The following SHQ1 variants were observed in gnomAD, a reference collection of about 807,000 sequenced individuals.
SHQ1 encodes SHQ1, H/ACA ribonucleoprotein assembly factor.
Under a neutral mutation model 53.8 loss-of-function variants are expected in SHQ1, and 49 were observed. That is an observed-to-expected ratio of 0.91 (90% CI 0.72 to 1.16). The LOEUF (loss-of-function observed/expected upper bound fraction) is 1.16. SHQ1 is among the 50% of genes most tolerant of loss of function. The pLI, the probability that SHQ1 is intolerant of heterozygous loss-of-function variation, is 0.00. For synonymous variants in SHQ1, 243 were observed against 251.0 expected, an observed-to-expected ratio of 0.97 and a Z score of 0.30; for missense variants, 738 against 683.1, an observed-to-expected ratio of 1.08 and a Z score of -0.90.
At chr3:72,752,601 A>C (rs1705410555) in intron 10 of SHQ1, among the ~76,000 whole-genome samples, 1 of 150,806 alleles carries the variant, frequency 6.6e-6, no homozygotes, top group Non-Finnish European at 1.5e-5. Context: ...ATCTCGGCTC[A>C]CTGCAACCTC....
At chr3:72,732,313 C>T in the SHQ1 span, among the ~76,000 whole-genome samples, 4 of 150,584 alleles carry the variant, frequency 2.7e-5, 1 homozygote, top group African/African-American at 9.8e-5. Context: ...AAGCTCCTTC[C>T]ACCCTGGACC....
chr3:72,781,302 C>T (rs1259482758), intron 10 of SHQ1, among the ~76,000 whole-genome samples: 2 of 152,066 alleles, frequency 1.3e-5, no homozygotes, highest in Admixed American at 1.3e-4. Context: ...GTGATCCGCT[C>T]ACCTTGGTCT....
intron 6 of SHQ1, among the ~76,000 whole-genome samples, chr3:72,822,261 C>T (rs1691222358): frequency 6.6e-6 from 1 of 152,166 alleles, no homozygotes; most frequent in Admixed American, 6.5e-5. Flanking sequence ...ATCACATGTC[C>T]TTGCTATTTT....
intron 4 of SHQ1, among the ~76,000 whole-genome samples, chr3:72,834,932 T>C (rs981592765): frequency 2.6e-5 from 4 of 152,136 alleles, no homozygotes; most frequent in African/African-American, 9.7e-5. Flanking sequence ...TGCACATTTA[T>C]TATCTTACAG....
the SHQ1 span, among the ~76,000 whole-genome samples, chr3:72,739,241 G>A: frequency 2.0e-5 from 3 of 152,206 alleles, no homozygotes; most frequent in Non-Finnish European, 4.4e-5. Context: ...AAGTGTCGGT[G>A]CTCAACGTGG....
chr3:72,747,655 GGAGA>G (rs944776432), downstream of SHQ1, among the ~76,000 whole-genome samples: 1 of 152,110 alleles, frequency 6.6e-6, no homozygotes, highest in African/African-American at 2.4e-5. Flanking sequence ...CTGGATATCT[GGAGA>G]GAGAGAGGAG....
At chr3:72,746,977 A>G (rs1415990482), downstream of SHQ1, among the ~76,000 whole-genome samples, 4 of 152,218 alleles carry the variant, frequency 2.6e-5, no homozygotes, top group African/African-American at 9.7e-5. Flanking sequence ...ATTCCAACAA[A>G]GCAGTTATAG....
intron 10 of SHQ1, among the ~76,000 whole-genome samples, chr3:72,763,321 T>C (rs1031578994): frequency 1.3e-5 from 2 of 152,136 alleles, no homozygotes; most frequent in Non-Finnish European, 2.9e-5. Context: ...CTACATTTCA[T>C]CTGTGTGAAA....
intron 9 of SHQ1, among the ~76,000 whole-genome samples, chr3:72,810,168 A>G (rs1431158994): frequency 1.3e-5 from 2 of 152,320 alleles, no homozygotes; most frequent in East Asian, 3.9e-4. Flanking sequence ...GTGCCCCAAG[A>G]TGACTGATCC....
In SHQ1 at chr3:72,842,547, A is replaced by G. The variant is rs549419715; in HGVS notation, c.209-145T>C. On this transcript the variant is annotated intron_variant, in intron 2 of 10. Transcript: ENST00000325599. ...AGTTCAAGACCAGCCTGGGCAACAT[A>G]CCAAGACCCCATCTCTACAGAAAAT... 178 of 473,682 alleles carry G rather than the reference A, an allele frequency of 3.8e-4. 2 individuals are homozygous for G. The South Asian group carries it at 7.5e-3, about 20-fold the overall frequency. 29.3% of individuals were successfully genotyped at this position (473,682 alleles called of 1,614,324 possible).
chr3:72,769,059 C>T (rs1705792032), intron 10 of SHQ1, among the ~76,000 whole-genome samples: 1 of 152,208 alleles, frequency 6.6e-6, no homozygotes, highest in Non-Finnish European at 1.5e-5. Context: ...GTCCTTTGAT[C>T]AAGTAACAGA....
At chr3:72,824,058 A>G (rs1707568923) in intron 6 of SHQ1, among the ~76,000 whole-genome samples, 1 of 152,224 alleles carries the variant, frequency 6.6e-6, no homozygotes, top group East Asian at 1.9e-4. Flanking sequence ...CCCGTTACTA[A>G]TACTCAAATG....
intron 6 of SHQ1, among the ~76,000 whole-genome samples, chr3:72,817,624 T>A (rs1030710525): frequency 6.6e-6 from 1 of 152,172 alleles, no homozygotes; most frequent in African/African-American, 2.4e-5. Context: ...ATTCCTTAAT[T>A]CCTGACCCTC....
chr3:72,726,238 T>G, the SHQ1 span, among the ~76,000 whole-genome samples: 4 of 152,218 alleles, frequency 2.6e-5, no homozygotes, highest in African/African-American at 9.6e-5. Flanking sequence ...AGTCAGATTT[T>G]AAGCCTGGGC....
chr3:72,748,329 CA>C (rs572927520), downstream of SHQ1, among the ~76,000 whole-genome samples: 202 of 58,700 alleles, frequency 3.4e-3, no homozygotes, highest in African/African-American at 5.1e-3. Context: ...ATGAGGCATG[CA>C]AAAAAAAAAA....
chr3:72,805,296 T>C (rs1451673693), intron 9 of SHQ1, among the ~76,000 whole-genome samples: 2 of 152,234 alleles, frequency 1.3e-5, no homozygotes, highest in Non-Finnish European at 2.9e-5. Flanking sequence ...TTCTTACATG[T>C]ATTCCTGGTA....
intron 10 of SHQ1, among the ~76,000 whole-genome samples, chr3:72,752,730 T>C (rs527650606): frequency 6.6e-6 from 1 of 152,328 alleles, no homozygotes; most frequent in South Asian, 2.1e-4. Flanking sequence ...GGTTTCACCA[T>C]GTTGGCCAGG....
At chr3:72,835,106 C>CTT (rs761840255) in intron 4 of SHQ1, among the ~76,000 whole-genome samples, 2,517 of 130,770 alleles carry the variant, frequency 0.019, 77 homozygotes, top group African/African-American at 0.065. Flanking sequence ...CCATCAGCTT[C>CTT]TTTTTTTTTT....
Position 72,812,969 on chromosome 3 carries a change from T to G in SHQ1, c.937-175A>C, listed in dbSNP as rs182292273. On this transcript the variant is annotated intron_variant, in intron 8 of 10. Coordinates refer to ENST00000325599, the MANE Select transcript of SHQ1 (RefSeq NM_018130.3). ...AAGATTCTTTTTGTATACTTTACAA[T>G]AAAACAGAATCTTAGTTTTTGTAAT... is the stretch of plus-strand genomic sequence containing the variant. Among the ~76,000 whole-genome samples, 55 of 152,310 alleles carry G rather than the reference T, an allele frequency of 3.6e-4. 2 individuals are homozygous for G. The highest frequency in any genetic ancestry group is 2.5e-3 in the Admixed American group (38 of 15,302).
Sources: gnomAD v4.1 joint callset for allele counts (sites outside exome capture counted in the v4.1 genomes callset) on GRCh38, gnomAD v4.1.1 for gene constraint, MANE v1.5 for transcripts, NCBI Gene and HGNC (gene_info 2026-07-23, HGNC 2026-07-21) for gene names.